Variants in FAM184B observed in about 807,000 individuals in gnomAD.
FAM184B encodes protein FAM184B.
Under a neutral mutation model 135.9 loss-of-function variants are expected in FAM184B, and 111 were observed. The observed-to-expected ratio is 0.82, with a 90% confidence interval of 0.70 to 0.96. FAM184B has a LOEUF of 0.96. Among genes scored for constraint, FAM184B ranks in the 40% least tolerant of loss-of-function variants. The pLI is 0.00. For synonymous variants in FAM184B, 552 were observed against 524.8 expected, an observed-to-expected ratio of 1.05 and a Z score of -0.71; for missense variants, 1,375 against 1,323.9, an observed-to-expected ratio of 1.04 and a Z score of -0.60.
At chr4:17,691,643 G>A (rs895440350) in intron 6 of FAM184B, among the ~76,000 whole-genome samples, 10 of 145,164 alleles carry the variant, frequency 6.9e-5, no homozygotes, top group Non-Finnish European at 1.5e-5. Flanking sequence ...CTGAGATCAC[G>A]CCAATGCACT....
intron 7 of FAM184B, among the ~76,000 whole-genome samples, chr4:17,671,532 T>C (rs1272566315): frequency 6.6e-6 from 1 of 152,086 alleles, no homozygotes; most frequent in East Asian, 1.9e-4. Context: ...GGGATTCTCT[T>C]GTACAAGATC....
rs1458645218 is a variant in FAM184B, at chr4:17,657,653, TTC to T, written c.2037+695_2037+696del. 1.2e-4 allele frequency among the ~76,000 whole-genome samples: 13 copies of T among 107,526 alleles called. 1 individual carries two copies. In the South Asian group the frequency reaches 2.4e-3, roughly 20 times the overall value. The allele number at this position is 107,526 out of a possible 152,430, so 70.5% of individuals were successfully genotyped here. ...TGGAAAGGTCTTTGTGGCTGAGCTG[TTC>T]TTTTTTTTTTTTTTTTTTTGAGACA... On this transcript the variant is annotated intron_variant, in intron 10 of 17. Transcript: ENST00000265018.
At chr4:17,636,690 C>G in intron 14 of FAM184B, 45 bp from the exon 15 acceptor site, 1 of 1,434,636 alleles carries the variant, frequency 7.0e-7, no homozygotes, top group Non-Finnish European at 9.4e-7. Context: ...ACAGCAATTA[C>G]TCAACAAAGA....
chr4:17,689,070 C>A (rs1413333576), intron 6 of FAM184B, among the ~76,000 whole-genome samples: 1 of 152,264 alleles, frequency 6.6e-6, no homozygotes, highest in East Asian at 1.9e-4. Context: ...TAGTATTCCA[C>A]ACTTTCCTTA....
intron 1 of FAM184B, among the ~76,000 whole-genome samples, chr4:17,762,105 T>C (rs1011214031): frequency 3.3e-5 from 5 of 152,174 alleles, no homozygotes; most frequent in Admixed American, 1.3e-4. Context: ...GAGACCTCTT[T>C]CCATAAGAAT....
At chr4:17,755,721 T>C (rs558920133) in intron 1 of FAM184B, among the ~76,000 whole-genome samples, 7 of 152,270 alleles carry the variant, frequency 4.6e-5, no homozygotes, top group Admixed American at 3.3e-4. Context: ...CAAAATACTA[T>C]GCAGCCATAA....
At chr4:17,725,352 G>A (rs1717615371) in intron 1 of FAM184B, among the ~76,000 whole-genome samples, 1 of 152,208 alleles carries the variant, frequency 6.6e-6, no homozygotes, top group South Asian at 2.1e-4. Flanking sequence ...ACGCAGTGCT[G>A]CCTGGGAAAA....
At chr4:17,643,314 C>T (rs1330781150) in intron 12 of FAM184B, among the ~76,000 whole-genome samples, 1 of 152,118 alleles carries the variant, frequency 6.6e-6, no homozygotes, top group African/African-American at 2.4e-5. Flanking sequence ...CTCCTGCTGC[C>T]TGGGCTGTTC....
chr4:17,738,147 T>C (rs1484518980), intron 1 of FAM184B, among the ~76,000 whole-genome samples: 1 of 152,110 alleles, frequency 6.6e-6, no homozygotes, highest in Non-Finnish European at 1.5e-5. Context: ...AGGATGGGCA[T>C]GTGACTCAAG....
intron 1 of FAM184B, among the ~76,000 whole-genome samples, chr4:17,771,262 T>C (rs1718812740): frequency 6.6e-6 from 1 of 151,986 alleles, no homozygotes; most frequent in African/African-American, 2.4e-5. Context: ...GGCTGCTGTG[T>C]GGAGAAAGGA....
intron 1 of FAM184B, among the ~76,000 whole-genome samples, chr4:17,761,240 C>CAG (rs1718538389): frequency 6.6e-6 from 1 of 151,536 alleles, no homozygotes; most frequent in African/African-American, 2.4e-5. Flanking sequence ...GAAGAGACAG[C>CAG]AGGTCTCTCT....
At chr4:17,703,210 A>G (rs1304877210) in intron 5 of FAM184B, among the ~76,000 whole-genome samples, 1 of 152,222 alleles carries the variant, frequency 6.6e-6, no homozygotes. Flanking sequence ...GAAATTAACA[A>G]TGAGACCTGG....
chr4:17,731,057 T>C (rs932100278), intron 1 of FAM184B, among the ~76,000 whole-genome samples: 2 of 152,074 alleles, frequency 1.3e-5, no homozygotes, highest in East Asian at 3.8e-4. Flanking sequence ...AAACCCAGAA[T>C]TTCATATCCA....
chr4:17,644,134 T>C (rs184367658), intron 12 of FAM184B, among the ~76,000 whole-genome samples: 151 of 152,258 alleles, frequency 9.9e-4, no homozygotes, highest in Admixed American at 2.9e-3. Context: ...GCAGGGAATA[T>C]GGCAGGACAT....
intron 1 of FAM184B, among the ~76,000 whole-genome samples, chr4:17,761,325 G>C (rs1280145332): frequency 6.6e-6 from 1 of 152,198 alleles, no homozygotes; most frequent in Non-Finnish European, 1.5e-5. Flanking sequence ...GTCAGGAAGA[G>C]AGAAGAACCC....
At position 17,711,272 on chromosome 4, in the gene FAM184B, A is replaced by G. The variant is rs544845683; in HGVS notation, c.142-1628T>C. Among the ~76,000 whole-genome samples the G allele has an allele frequency of 5.3e-5, 8 of 151,158 alleles. No individual in the cohort carries two copies. In the East Asian group the frequency reaches 1.2e-3, roughly 22 times the overall value. On this transcript the variant is annotated intron_variant, in intron 1 of 17. Coordinates refer to ENST00000265018, the MANE Select transcript of FAM184B (RefSeq NM_015688.2). ...GAGGTGGGCGGATCACATGGTCAGGAGTTCGAGACCAGGCTGGCCAATATG... is the reference window on the plus strand; with the variant it reads ...GAGGTGGGCGGATCACATGGTCAGGGGTTCGAGACCAGGCTGGCCAATATG...
At chr4:17,686,412 G>A (rs761934332) in intron 7 of FAM184B, among the ~76,000 whole-genome samples, 12 of 152,230 alleles carry the variant, frequency 7.9e-5, no homozygotes, top group Admixed American at 5.2e-4. Context: ...GGTGTCAGAG[G>A]AGGAAGGAGG....
At chr4:17,707,233 C>A (rs1005405171) in intron 3 of FAM184B, among the ~76,000 whole-genome samples, 1 of 152,178 alleles carries the variant, frequency 6.6e-6, no homozygotes, top group Non-Finnish European at 1.5e-5. Context: ...CACCATCAAT[C>A]TGCCCAACCA....
Position 17,709,512 on chromosome 4 carries a change from C to T in FAM184B, c.274G>A (p.Ala92Thr). 2 of 1,551,006 alleles carry T rather than the reference C, an allele frequency of 1.3e-6. No homozygotes were observed. The highest frequency in any genetic ancestry group is 8.7e-7 in the Non-Finnish European group (1 of 1,146,904). ...CGCTGTAGAAGGGCTTCCTCCTCTGCGCAGCCCTGTTCCTGCAGGAGCCTG... is the reference window on the plus strand; with the variant it reads ...CGCTGTAGAAGGGCTTCCTCCTCTGTGCAGCCCTGTTCCTGCAGGAGCCTG... Reference protein sequence around the residue: ...KARLLQEQGCAEEEALLQRIQ... With the variant: ...KARLLQEQGCTEEEALLQRIQ... Residue 92 changes from alanine to threonine, a missense_variant, in exon 2 of 18, where the codon GCA becomes ACA. Coordinates refer to ENST00000265018, the MANE Select transcript of FAM184B (RefSeq NM_015688.2).
Sources: allele counts gnomAD v4.1 joint callset (sites outside exome capture counted in the v4.1 genomes callset), GRCh38; gene constraint gnomAD v4.1.1; transcripts MANE v1.5; gene names NCBI Gene and HGNC (gene_info 2026-07-23, HGNC 2026-07-21).